The following DTNA variants were observed in gnomAD, a reference collection of about 807,000 sequenced individuals.
DTNA encodes the protein dystrophin-related protein 3.
A neutral mutation model predicts 100.7 loss-of-function variants in DTNA; 43 were observed. That is an observed-to-expected ratio of 0.43 (90% CI 0.33 to 0.55). The LOEUF (loss-of-function observed/expected upper bound fraction) is 0.55, where lower values mean the gene tolerates loss of function less well. DTNA is among the 20% of genes least tolerant of loss of function. The pLI, the probability that DTNA is intolerant of heterozygous loss-of-function variation, is 0.04. For synonymous variants in DTNA, 349 were observed against 347.9 expected (o/e 1.00, Z -0.04); for missense variants, 798 against 953.9 (o/e 0.84, Z 2.15).
chr18:34,863,882 C>A, intron 16 of DTNA, 84 bp from the exon 17 acceptor site: 1 of 1,366,502 alleles, frequency 7.3e-7, no homozygotes, highest in Non-Finnish European at 1.0e-6. Context: ...CTTTTTCTGA[C>A]AGTCCACAAG....
At position 34,749,043 on chromosome 18, in the gene DTNA, G is replaced by GTATTTTATTTTGTTT. The variant is rs1326867943; in HGVS notation, c.-1-6921_-1-6907dup. On this transcript the variant is annotated intron_variant, in intron 1 of 22. Coordinates refer to ENST00000444659, the MANE Select transcript of DTNA (RefSeq NM_001386795.1). ...TTTCTTTGGTTTAGTATATCCATAA[G>GTATTTTATTTTGTTT]TATTTTATTTTGTTTTATTTTATTT... Among the ~76,000 whole-genome samples, 16 of 152,206 alleles carry GTATTTTATTTTGTTT rather than the reference G, an allele frequency of 1.1e-4. No individual in the cohort carries two copies. The East Asian group carries it at 3.1e-3, about 29-fold the overall frequency.
chr18:34,882,229 C>A (rs750044884), intron 21 of DTNA, 28 bp downstream of exon 21: 1 of 1,612,514 alleles, frequency 6.2e-7, no homozygotes, highest in East Asian at 2.2e-5. Flanking sequence ...CACCCCACCC[C>A]ACCTCTTCTG....
chr18:34,727,703 T>C (rs911731248), intron 1 of DTNA, among the ~76,000 whole-genome samples: 1 of 152,116 alleles, frequency 6.6e-6, no homozygotes, highest in African/African-American at 2.4e-5. Flanking sequence ...TAGTTGGGAT[T>C]ACAGGAAAGT....
chr18:34,721,671 G>T (rs1004615719), intron 1 of DTNA, among the ~76,000 whole-genome samples: 1 of 152,182 alleles, frequency 6.6e-6, no homozygotes, highest in African/African-American at 2.4e-5. Flanking sequence ...AAATTATCAT[G>T]AGCCCCAAAA....
At chr18:34,608,276 C>T (rs948574612) in intron 1 of DTNA, among the ~76,000 whole-genome samples, 1 of 152,156 alleles carries the variant, frequency 6.6e-6, no homozygotes, top group Admixed American at 6.5e-5. Flanking sequence ...CTATCACGGT[C>T]AGGAGTAGTC....
At chr18:34,560,862 C>A (rs537466589) in intron 1 of DTNA, among the ~76,000 whole-genome samples, 29 of 152,282 alleles carry the variant, frequency 1.9e-4, no homozygotes, top group African/African-American at 7.0e-4. Flanking sequence ...ATGGAGGTTG[C>A]AGTGAGCCGA....
chr18:34,881,845 A>G (rs887168362), intron 20 of DTNA, among the ~76,000 whole-genome samples: 2 of 142,934 alleles, frequency 1.4e-5, no homozygotes, highest in African/African-American at 5.6e-5. Flanking sequence ...AATGATCGCA[A>G]CTGCCATAAA....
chr18:34,811,815 C>T, intron 5 of DTNA, 144 bp from the exon 6 acceptor site: 9 of 935,522 alleles, frequency 9.6e-6, no homozygotes, highest in Non-Finnish European at 1.3e-5. Flanking sequence ...AGGAATATTT[C>T]AGCATAAAAA....
At chr18:34,574,102 C>T (rs1197795458) in intron 1 of DTNA, 1 of 152,348 alleles carries the variant, frequency 6.6e-6, no homozygotes. Flanking sequence ...CATACAAGCT[C>T]ATCATCTGCC....
At chr18:34,556,378 T>G (rs200173139) in intron 1 of DTNA, among the ~76,000 whole-genome samples, 1 of 152,024 alleles carries the variant, frequency 6.6e-6, no homozygotes, top group South Asian at 2.1e-4. Context: ...ACATTTAAAG[T>G]TAATATTGTT....
At chr18:34,734,346 CA>C (rs769191187) in intron 1 of DTNA, among the ~76,000 whole-genome samples, 3 of 151,160 alleles carry the variant, frequency 2.0e-5, no homozygotes, top group East Asian at 1.9e-4. Context: ...TTTCTTCTGG[CA>C]AAAAAAAGGT....
chr18:34,735,459 C>T (rs1245677053), intron 1 of DTNA, among the ~76,000 whole-genome samples: 2 of 152,174 alleles, frequency 1.3e-5, no homozygotes, highest in Non-Finnish European at 2.9e-5. Flanking sequence ...CCTTATATGC[C>T]AGGCTCTTAG....
intron 1 of DTNA, among the ~76,000 whole-genome samples, chr18:34,521,310 A>C (rs1398878163): frequency 2.0e-5 from 3 of 151,714 alleles, no homozygotes; most frequent in African/African-American, 7.3e-5. Context: ...ACCCCTTCTT[A>C]CTCCACCACG....
intron 1 of DTNA, among the ~76,000 whole-genome samples, chr18:34,515,166 A>G (rs2041476468): frequency 6.6e-6 from 1 of 152,086 alleles, no homozygotes; most frequent in South Asian, 2.1e-4. Context: ...GCTCTGACCC[A>G]TTCCAAACAG....
chr18:34,660,985 C>T (rs1022978411), intron 1 of DTNA, among the ~76,000 whole-genome samples: 3 of 152,174 alleles, frequency 2.0e-5, no homozygotes, highest in African/African-American at 7.2e-5. Flanking sequence ...CCATTGCCCA[C>T]TCATATTTGG....
intron 1 of DTNA, among the ~76,000 whole-genome samples, chr18:34,623,453 G>A (rs367559369): frequency 6.6e-6 from 1 of 152,078 alleles, no homozygotes; most frequent in Non-Finnish European, 1.5e-5. Flanking sequence ...TTTCTTGTTT[G>A]TACAAAGTCA....
intron 20 of DTNA, 64 bp downstream of exon 20, chr18:34,879,783 A>C (rs1603346489): frequency 1.3e-6 from 2 of 1,595,474 alleles, no homozygotes; most frequent in East Asian, 4.5e-5. Context: ...GACAATAAGA[A>C]AGTAAAAGCA....
intron 1 of DTNA, among the ~76,000 whole-genome samples, chr18:34,751,457 T>C (rs1453796939): frequency 1.3e-5 from 2 of 150,758 alleles, no homozygotes; most frequent in Non-Finnish European, 3.0e-5. Flanking sequence ...CTAGCGTCGA[T>C]TGGAAAGCCC....
intron 1 of DTNA, among the ~76,000 whole-genome samples, chr18:34,725,503 A>C (rs1411862394): frequency 6.6e-6 from 1 of 152,228 alleles, no homozygotes; most frequent in African/African-American, 2.4e-5. Flanking sequence ...AAAAAAGCTC[A>C]TCATCACTGG....
Sources: gnomAD v4.1 joint callset for allele counts (sites outside exome capture counted in the v4.1 genomes callset) on GRCh38, gnomAD v4.1.1 for gene constraint, MANE v1.5 for transcripts, NCBI Gene and HGNC (gene_info 2026-07-23, HGNC 2026-07-21) for gene names.